JHY: variants seen among roughly 807,000 people sequenced by gnomAD.
JHY encodes the protein junctional cadherin complex regulator, also known as jhy protein homolog.
In JHY, 69 loss-of-function variants were observed where a neutral mutation model predicts 78.0. The observed-to-expected ratio is 0.88, with a 90% CI of 0.73 to 1.08. The LOEUF (loss-of-function observed/expected upper bound fraction) is 1.08. Ranked by LOEUF, JHY falls within the 50% of genes least tolerant of loss-of-function variation. JHY has a pLI of 0.00. For synonymous variants in JHY, 368 were observed against 342.6 expected, an observed-to-expected ratio of 1.07 and a Z score of -0.82; for missense variants, 944 against 927.8, an observed-to-expected ratio of 1.02 and a Z score of -0.23.
chr11:122,935,328 G>T lies in JHY; in HGVS notation c.1634+253G>T, dbSNP rs1237320548. ...TGGCTCATTGCAACCTCCGCCTCCCGAGCTCAAGCAATTCTCCTGGCCCAG... is the reference window on the plus strand; with the variant it reads ...TGGCTCATTGCAACCTCCGCCTCCCTAGCTCAAGCAATTCTCCTGGCCCAG... On this transcript the variant is annotated intron_variant, in intron 5 of 8. Coordinates refer to ENST00000227349, the MANE Select transcript of JHY (RefSeq NM_024806.4). The surrounding 1 kb of genome is among the most constrained non-coding windows in gnomAD (Gnocchi z 4.5). Among the ~76,000 whole-genome samples the T allele has an allele frequency of 1.3e-5, 2 of 151,610 alleles. No homozygotes were observed. Among genetic ancestry groups the T allele is most frequent in the Non-Finnish European group, 1.5e-5 (1 of 67,948 alleles).
chr11:122,933,570 T>C (rs114365094), intron 4 of JHY, among the ~76,000 whole-genome samples: 4,270 of 152,304 alleles, frequency 0.028, 139 homozygotes, highest in African/African-American at 0.071. Flanking sequence ...ATTGAAATAT[T>C]TCCCCCAGAT....
At position 122,960,379 on chromosome 11, in the gene JHY, A is replaced by T; in HGVS notation, c.*934A>T. 5.1e-6 allele frequency: 1 copy of T among 196,566 alleles called. No individual in the cohort carries two copies. Among genetic ancestry groups the T allele is most frequent in the Non-Finnish European group, 1.1e-5 (1 of 89,824 alleles). 12.2% of individuals were successfully genotyped at this position (196,566 alleles called of 1,614,324 possible). On this transcript the variant is annotated 3_prime_UTR_variant, in exon 9 of 9. Coordinates refer to ENST00000227349, the MANE Select transcript of JHY (RefSeq NM_024806.4). Reference sequence around the variant, plus strand: ...ACTGCCACAGTGGCCCCCTCTCTGTAGAATGCAGTTTTCTTAGGTCCAGGG... The same window carrying T: ...ACTGCCACAGTGGCCCCCTCTCTGTTGAATGCAGTTTTCTTAGGTCCAGGG...
In JHY at chr11:122,941,477, A is replaced by G. The variant is rs574091994; in HGVS notation, c.1635-5021A>G. Among the ~76,000 whole-genome samples, 8 of 152,342 alleles carry G rather than the reference A, an allele frequency of 5.3e-5. No homozygotes were observed. The East Asian group carries it at 1.5e-3, about 29-fold the overall frequency. ...CTACAGTATATGTACAAATAGTTTT[A>G]TAATTACAATGCCAGTACCACTACC... On this transcript the variant is annotated intron_variant, in intron 5 of 8. Coordinates refer to ENST00000227349, the MANE Select transcript of JHY (RefSeq NM_024806.4).
chr11:122,947,438 T>A (rs1454559022), intron 6 of JHY: 1 of 152,232 alleles, frequency 6.6e-6, no homozygotes, highest in Non-Finnish European at 1.5e-5. Flanking sequence ...AGGGCCTACA[T>A]GATTTAACAA....
intron 2 of JHY, among the ~76,000 whole-genome samples, chr11:122,896,342 CAAAAAAAA>C (rs11370911): frequency 5.4e-5 from 4 of 73,406 alleles, no homozygotes; most frequent in African/African-American, 2.2e-4. Context: ...GACTCTGTCT[CAAAAAAAA>C]AAAAAAAAAA....
intron 3 of JHY, among the ~76,000 whole-genome samples, chr11:122,921,609 C>T (rs908075814): frequency 5.3e-5 from 8 of 152,018 alleles, no homozygotes; most frequent in Non-Finnish European, 8.8e-5. Context: ...TTTGCTATAA[C>T]GTTGATAAAA....
chr11:122,920,330 T>G (rs1026797283), intron 3 of JHY, among the ~76,000 whole-genome samples: 2 of 152,202 alleles, frequency 1.3e-5, no homozygotes, highest in African/African-American at 4.8e-5. Flanking sequence ...GGATATGTGC[T>G]AGTTGTCAAT....
chr11:122,884,480 A>G (rs1481665223), intron 1 of JHY, among the ~76,000 whole-genome samples: 1 of 152,214 alleles, frequency 6.6e-6, no homozygotes, highest in Non-Finnish European at 1.5e-5. Flanking sequence ...GAGATAGAAA[A>G]TAGACCAAAA....
chr11:122,926,629 C>A (rs373501325), intron 4 of JHY, among the ~76,000 whole-genome samples: 1 of 152,176 alleles, frequency 6.6e-6, no homozygotes, highest in South Asian at 2.1e-4. Flanking sequence ...AGGACAGGAT[C>A]CACTACCAGA....
In JHY at chr11:122,934,953, G is replaced by GC; in HGVS notation, c.1513dup (p.Leu505ProfsTer22). 1 of 1,614,068 alleles carries GC rather than the reference G, an allele frequency of 6.2e-7. No homozygotes were observed. The highest frequency in any genetic ancestry group is 1.1e-5 in the South Asian group (1 of 91,080). ...TTAATGAACTTTCTAAGAGACACGT[G>GC]CTCCTGAGCCAGAAAGGCTCTCAGT... On this transcript the variant is annotated frameshift_variant, in exon 5 of 9. Transcript: ENST00000227349. LOFTEE classifies it high-confidence loss of function.
At chr11:122,937,107 A>G (rs564399287) in intron 5 of JHY, among the ~76,000 whole-genome samples, 2 of 152,134 alleles carry the variant, frequency 1.3e-5, no homozygotes, top group African/African-American at 2.4e-5. Context: ...AGTTTAATAC[A>G]TTATATTTTT....
In JHY at chr11:122,884,925, G is replaced by A. The variant is rs578017796; in HGVS notation, c.-89-836G>A. Among the ~76,000 whole-genome samples the A allele has an allele frequency of 1.7e-3, 253 of 151,370 alleles. 1 individual carries two copies. The highest frequency in any genetic ancestry group is 4.9e-3 in the African/African-American group (201 of 41,262). ...GACCCTCCTCCCACCGCAGTCTCCC[G>A]AGTAGCTGGGACTACAGGCCCATCC... On this transcript the variant is annotated intron_variant, in intron 1 of 8. Coordinates refer to ENST00000227349, the MANE Select transcript of JHY (RefSeq NM_024806.4).
rs955116389 is a variant in JHY, at chr11:122,959,362, A to C, written c.2254A>C (p.Ile752Leu). 1 of 1,614,176 alleles carries C rather than the reference A, an allele frequency of 6.2e-7. No homozygotes were observed. The highest frequency in any genetic ancestry group is 8.5e-7 in the Non-Finnish European group (1 of 1,180,026). ...YAGKEESLPE[I>L]SLLEILQNRH... is the part of the protein sequence containing the mutation. ...TGGGAAAGAAGAAAGTTTACCTGAA[A>C]TCTCACTGCTGGAAATACTGCAGAA... is the stretch of plus-strand genomic sequence containing the variant. The change falls in exon 9 of 9, where the codon ATC becomes CTC. Residue 752 changes from isoleucine (I) to leucine (L), a missense_variant. Transcript: ENST00000227349.
chr11:122,954,457 G>C (rs1398675441), intron 6 of JHY, among the ~76,000 whole-genome samples: 6 of 152,236 alleles, frequency 3.9e-5, no homozygotes, highest in Non-Finnish European at 8.8e-5. Context: ...TGTTCTTGTA[G>C]TGGTTGATAC....
intron 6 of JHY, among the ~76,000 whole-genome samples, chr11:122,954,911 C>T (rs1262432417): frequency 1.3e-5 from 2 of 152,212 alleles, no homozygotes; most frequent in Admixed American, 1.3e-4. Context: ...AGGTACACAA[C>T]AGCTGCTTCT....
chr11:122,939,019 C>T (rs1449523434), intron 5 of JHY, among the ~76,000 whole-genome samples: 1 of 149,716 alleles, frequency 6.7e-6, no homozygotes, highest in Non-Finnish European at 1.5e-5. Flanking sequence ...GACGGAGTCT[C>T]ACTCTGTTGC....
chr11:122,920,296 T>C (rs1461244965), intron 3 of JHY, among the ~76,000 whole-genome samples: 2 of 152,178 alleles, frequency 1.3e-5, no homozygotes, highest in Non-Finnish European at 2.9e-5. Context: ...TAATACTACT[T>C]AAAAAATCAA....
rs563071171 is a variant in JHY, at chr11:122,917,259, C to T, written c.865-7638C>T. ...GCAGCCGTAAGCATTTAGCTATGGC[C>T]TCAGGATATCTTCAAGACTAGAAAA... On this transcript the variant is annotated intron_variant, in intron 3 of 8. Transcript: ENST00000227349. This position sits in a 1 kb window ranked among gnomAD's most constrained non-coding sequence, Gnocchi z 4.1. 6.6e-6 allele frequency among the ~76,000 whole-genome samples: 1 copy of T among 152,250 alleles called. No homozygotes were observed. The highest frequency in any genetic ancestry group is 2.1e-4 in the South Asian group (1 of 4,826).
chr11:122,952,150 G>C (rs984282576), intron 6 of JHY, among the ~76,000 whole-genome samples: 1 of 152,036 alleles, frequency 6.6e-6, no homozygotes, highest in East Asian at 1.9e-4. Context: ...GGAGGCGGAG[G>C]GGGCAAAGGG....
Sources: allele counts gnomAD v4.1 joint callset (sites outside exome capture counted in the v4.1 genomes callset), GRCh38; gene constraint gnomAD v4.1.1; non-coding constraint Gnocchi (gnomAD v3.1); transcripts MANE v1.5; gene names NCBI Gene and HGNC (gene_info 2026-07-23, HGNC 2026-07-21).